PTPRG: variants seen among roughly 807,000 people sequenced by gnomAD.
PTPRG encodes protein tyrosine phosphatase receptor type G, also known as receptor-type tyrosine-protein phosphatase gamma.
Under a neutral mutation model 165.3 loss-of-function variants are expected in PTPRG, and 102 were observed. The observed-to-expected ratio is 0.62, with a 90% CI of 0.53 to 0.73. The LOEUF (loss-of-function observed/expected upper bound fraction) is 0.73, where lower values mean the gene tolerates loss of function less well. PTPRG is among the 30% of genes least tolerant of loss of function. The probability of loss-of-function intolerance (pLI) is 0.00; values close to 1 mark genes in which losing one functional copy is unlikely to be tolerated. For missense variants in PTPRG, 1,866 were observed against 1,861.4 expected (o/e 1.00, Z -0.05); for synonymous variants, 675 against 669.5 (o/e 1.01, Z -0.13).
At chr3:61,798,076 A>C (rs570924257) in intron 2 of PTPRG, among the ~76,000 whole-genome samples, 22 of 152,324 alleles carry the variant, frequency 1.4e-4, no homozygotes, top group South Asian at 4.1e-4. Flanking sequence ...TTTTTTCTTC[A>C]TTCTTAAAAT....
At chr3:62,129,160 G>A (rs1183952869) in intron 5 of PTPRG, among the ~76,000 whole-genome samples, 1 of 152,146 alleles carries the variant, frequency 6.6e-6, no homozygotes, top group Non-Finnish European at 1.5e-5. Context: ...TCACGTTCCT[G>A]AGCTCAGATG....
intron 6 of PTPRG, 58 bp from the exon 7 acceptor site, chr3:62,157,009 C>T (rs746727199): frequency 2.7e-5 from 39 of 1,461,146 alleles, no homozygotes; most frequent in African/African-American, 2.0e-4. Flanking sequence ...ACTGTGTCTG[C>T]GGCTCGGAAT....
In PTPRG at chr3:61,610,630, C is replaced by A. The variant is rs1701137338; in HGVS notation, c.85+48258C>A. Reference sequence around the variant, plus strand: ...TAAGAGCTCAACACTAATGCATATGCAGCATTTAATAAGACAAATATTCCT... The same window carrying A: ...TAAGAGCTCAACACTAATGCATATGAAGCATTTAATAAGACAAATATTCCT... On this transcript the variant is annotated intron_variant, in intron 1 of 29. Transcript: ENST00000474889. Among the ~76,000 whole-genome samples the A allele has an allele frequency of 2.0e-5, 3 of 152,286 alleles. No homozygotes were observed. The East Asian group carries it at 5.8e-4, about 29-fold the overall frequency.
chr3:61,743,688 T>TC (rs376399013), intron 1 of PTPRG, among the ~76,000 whole-genome samples: 3 of 152,286 alleles, frequency 2.0e-5, no homozygotes, highest in South Asian at 2.1e-4. Context: ...AAAAACGACT[T>TC]CCCCTCCATA....
intron 7 of PTPRG, among the ~76,000 whole-genome samples, chr3:62,166,816 G>A (rs962504151): frequency 1.3e-5 from 2 of 151,950 alleles, no homozygotes; most frequent in African/African-American, 2.4e-5. Context: ...ACCCTCCCAA[G>A]AAGCTGCGAC....
intron 2 of PTPRG, among the ~76,000 whole-genome samples, chr3:61,781,817 T>C (rs1480543204): frequency 6.6e-6 from 1 of 151,098 alleles, no homozygotes; most frequent in Non-Finnish European, 1.5e-5. Flanking sequence ...AGCCTCAGCC[T>C]CCCAGGCTCG....
At chr3:62,000,877 C>T (rs139430712) in intron 3 of PTPRG, among the ~76,000 whole-genome samples, 2 of 152,340 alleles carry the variant, frequency 1.3e-5, no homozygotes, top group East Asian at 3.9e-4. Context: ...GGATCATCTG[C>T]TTTCCCAGTG....
intron 4 of PTPRG, among the ~76,000 whole-genome samples, chr3:62,020,027 T>C (rs953209437): frequency 6.6e-6 from 1 of 152,152 alleles, no homozygotes; most frequent in Non-Finnish European, 1.5e-5. Flanking sequence ...AGGAGTATAG[T>C]AGTCTGAGTT....
chr3:62,272,695 G>A (rs1278986957), intron 21 of PTPRG, among the ~76,000 whole-genome samples: 2 of 152,006 alleles, frequency 1.3e-5, no homozygotes, highest in African/African-American at 4.8e-5. Flanking sequence ...AAAATTAGTC[G>A]GGTGTAGTGG....
rs1168989000 is a variant in PTPRG at position 62,099,207 on chromosome 3, A to T, written c.615+20949A>T. Among the ~76,000 whole-genome samples the T allele has an allele frequency of 3.3e-5, 5 of 152,234 alleles. No homozygotes were observed. In the South Asian group the frequency reaches 8.3e-4, roughly 25 times the overall value. On this transcript the variant is annotated intron_variant, in intron 5 of 29. Transcript: ENST00000474889. ...TTTGTGACTCAGAGTAAAGCAATAA[A>T]ATCCAGAGGTCCAGTAGTTGAAGAT...
chr3:61,676,143 G>GA (rs2065342156), intron 1 of PTPRG, among the ~76,000 whole-genome samples: 1 of 152,082 alleles, frequency 6.6e-6, no homozygotes. Context: ...AAACAATCAT[G>GA]AAAAATCTTT....
At chr3:62,017,714 G>A (rs1272708720) in intron 4 of PTPRG, among the ~76,000 whole-genome samples, 4 of 152,000 alleles carry the variant, frequency 2.6e-5, no homozygotes, top group Non-Finnish European at 2.9e-5. Flanking sequence ...GTGAGCCACC[G>A]CGCCCGGCTC....
At chr3:62,293,045 G>A in intron 29 of PTPRG, 116 bp from the exon 30 acceptor site, 1 of 839,896 alleles carries the variant, frequency 1.2e-6, no homozygotes, top group East Asian at 2.7e-5. Context: ...TAACATTTAT[G>A]CTATTGCTGT....
intron 23 of PTPRG, among the ~76,000 whole-genome samples, chr3:62,275,029 A>G (rs1255575814): frequency 1.3e-5 from 2 of 152,168 alleles, no homozygotes; most frequent in Non-Finnish European, 2.9e-5. Flanking sequence ...AAACTTGAAA[A>G]TGAAAATTAT....
chr3:62,028,732 G>A (rs1479824402), intron 4 of PTPRG, among the ~76,000 whole-genome samples: 1 of 152,194 alleles, frequency 6.6e-6, no homozygotes, highest in Non-Finnish European at 1.5e-5. Flanking sequence ...AGTGTCTAAT[G>A]AAACTCAGTG....
intron 2 of PTPRG, among the ~76,000 whole-genome samples, chr3:61,888,450 C>G (rs2038116800): frequency 6.6e-6 from 1 of 152,094 alleles, no homozygotes; most frequent in African/African-American, 2.4e-5. Flanking sequence ...TTTCCTGCCT[C>G]AGCCTCCCGA....
At chr3:61,854,451 C>T (rs2037047107) in intron 2 of PTPRG, among the ~76,000 whole-genome samples, 2 of 152,262 alleles carry the variant, frequency 1.3e-5, no homozygotes, top group East Asian at 1.9e-4. Context: ...TCTATTTACT[C>T]TGTTTCTCCT....
chr3:61,617,799 T>A (rs1297819542), intron 1 of PTPRG, among the ~76,000 whole-genome samples: 1 of 151,988 alleles, frequency 6.6e-6, no homozygotes, highest in Non-Finnish European at 1.5e-5. Flanking sequence ...GTGCCTGTGT[T>A]GTTCTTAGGG....
chr3:61,936,057 T>C (rs1325818392), intron 2 of PTPRG, among the ~76,000 whole-genome samples: 2 of 152,176 alleles, frequency 1.3e-5, no homozygotes, highest in African/African-American at 4.8e-5. Context: ...TTCTATTCCC[T>C]CTGCCACATG....
Sources: gnomAD v4.1 joint callset for allele counts (sites outside exome capture counted in the v4.1 genomes callset) on GRCh38, gnomAD v4.1.1 for gene constraint, MANE v1.5 for transcripts, NCBI Gene and HGNC (gene_info 2026-07-23, HGNC 2026-07-21) for gene names.